The following LYPD8 variants were observed in gnomAD, a reference collection of about 807,000 sequenced individuals.
The protein encoded by LYPD8 is LY6/PLAUR domain containing 8.
Under a neutral mutation model 1.7 loss-of-function variants are expected in LYPD8, and 8 were observed. The ratio of observed to expected loss-of-function variants is 4.58; its 90% CI spans 2.69 to 8.27. The LOEUF is 8.27. Ranked by LOEUF, LYPD8 falls within the 30% of genes most tolerant of loss-of-function variation. The probability of loss-of-function intolerance (pLI) is 0.00; values close to 1 mark genes in which losing one functional copy is unlikely to be tolerated. For missense variants in LYPD8, 112 were observed against 102.3 expected, an observed-to-expected ratio of 1.09 and a Z score of -0.41; for synonymous variants, 50 against 43.6, an observed-to-expected ratio of 1.15 and a Z score of -0.58.
At chr1:248,753,207 A>AACACACACACCACACCAC (rs1662854126) in intron 2 of LYPD8, among the ~76,000 whole-genome samples, 6 of 93,720 alleles carry the variant, frequency 6.4e-5, no homozygotes, top group Non-Finnish European at 1.0e-4. Context: ...CACCCCACAC[A>AACACACACACCACACCAC]ACACACACAC....
intron 3 of LYPD8, 97 bp downstream of exon 3, chr1:248,750,932 TG>T (rs1662790422): frequency 2.5e-6 from 1 of 398,376 alleles, no homozygotes; most frequent in South Asian, 1.3e-4. Context: ...GACCATAATT[TG>T]ACATGTGAGG....
chr1:248,739,842 C>T lies in LYPD8; in HGVS notation c.483G>A (p.Glu161=). The part of the protein sequence containing the change: ...FLVAELKNDI[E]SKSLVLKGCS... ...AGCCTTTCAGCACGAGACTCTTAGA[C>T]TCAATGTCTGTGAATGCAAAGGAGA... Residue 161 remains glutamate, a synonymous_variant, in exon 7 of 7, where the codon GAG becomes GAA. Coordinates refer to ENST00000590317, the MANE Select transcript of LYPD8 (RefSeq NM_001085474.2). This position sits in a 1 kb window ranked among gnomAD's most constrained non-coding sequence, Gnocchi z 4.3. 6.4e-7 allele frequency: 1 copy of T among 1,551,740 alleles called. No individual in the cohort carries two copies.
In LYPD8 at chr1:248,739,443, AT is replaced by A. The variant is rs1553282985; in HGVS notation, c.*167del. On this transcript the variant is annotated 3_prime_UTR_variant, in exon 7 of 7. Transcript: ENST00000590317. This position sits in a 1 kb window ranked among gnomAD's most constrained non-coding sequence, Gnocchi z 4.3. ...GGGCAGTGAATGAACCAGTGCTTTA[AT>A]AATGAAGAACAAGGCAGCTGTCGGC... The A allele has an allele frequency of 1.1e-6, 1 of 898,428 alleles. No individual in the cohort carries two copies. Among genetic ancestry groups the A allele is most frequent in the African/African-American group, 1.7e-5 (1 of 59,352 alleles). The allele number at this position is 898,428 out of a possible 1,614,324, so 55.7% of individuals were successfully genotyped here.
Position 248,739,680 on chromosome 1 carries a change from G to C in LYPD8, c.645C>G (p.Asn215Lys), listed in dbSNP as rs782442637. ...TPTSAPTTSH[N>K]VGSKASLYLL... The stretch of plus-strand genomic sequence containing the variant: ...GGTAGAGGGAAGCTTTGGAGCCCAC[G>C]TTGTGGGAAGTGGTTGGTGCAGACG... Residue 215 changes from asparagine to lysine, a missense_variant, in exon 7 of 7, where the codon AAC (asparagine) becomes AAG (lysine). By Grantham distance (94) the Asn-to-Lys change is moderately conservative (BLOSUM62 0). Transcript: ENST00000590317. This position sits in a 1 kb window ranked among gnomAD's most constrained non-coding sequence, Gnocchi z 4.3. 6.4e-7 allele frequency: 1 copy of C among 1,551,748 alleles called. No homozygotes were observed.
At chr1:248,752,444 G>A (rs954463017) in intron 2 of LYPD8, among the ~76,000 whole-genome samples, 1 of 151,160 alleles carries the variant, frequency 6.6e-6, no homozygotes, top group African/African-American at 2.4e-5. Context: ...AAACACAATC[G>A]CCTTCATCTG....
chr1:248,746,048 C>T (rs1370254963), intron 5 of LYPD8, among the ~76,000 whole-genome samples: 4 of 152,100 alleles, frequency 2.6e-5, no homozygotes, highest in African/African-American at 9.7e-5. Flanking sequence ...AAAGAATTTC[C>T]AAAAGGTATA....
At chr1:248,744,158 C>T (rs1330892635) in intron 6 of LYPD8, among the ~76,000 whole-genome samples, 1 of 152,224 alleles carries the variant, frequency 6.6e-6, no homozygotes, top group Non-Finnish European at 1.5e-5. Context: ...ATGTCCCTCT[C>T]ACACAACCTG....
At position 248,745,167 on chromosome 1, in the gene LYPD8, G is replaced by T; in HGVS notation, c.450C>A (p.Val150=). 5 of 398,584 alleles carry T rather than the reference G, an allele frequency of 1.3e-5. No homozygotes were observed. The highest frequency in any genetic ancestry group is 2.2e-5 in the Non-Finnish European group (5 of 226,064). 24.7% of individuals were successfully genotyped at this position (398,584 alleles called of 1,614,324 possible). The change falls in exon 6 of 7, where the codon GTC becomes GTA. Residue 150 remains valine, a synonymous_variant. Coordinates refer to ENST00000590317, the MANE Select transcript of LYPD8 (RefSeq NM_001085474.2). Reference sequence around the variant, plus strand: ...CATTCTTAAGTTCTGCAACTAGAAAGACACACTGTTCTTCTTCATAGCATT... The same window carrying T: ...CATTCTTAAGTTCTGCAACTAGAAATACACACTGTTCTTCTTCATAGCATT... The part of the protein sequence containing the change: ...PWKCYEEEQC[V]FLVAELKNDI...
In LYPD8 at chr1:248,739,845, A is replaced by G; in HGVS notation, c.480T>C (p.Ile160=). Reference sequence around the variant, plus strand: ...CTTTCAGCACGAGACTCTTAGACTCAATGTCTGTGAATGCAAAGGAGACAG... The same window carrying G: ...CTTTCAGCACGAGACTCTTAGACTCGATGTCTGTGAATGCAAAGGAGACAG... ...VFLVAELKND[I]ESKSLVLKGC... Residue 160 remains isoleucine, a synonymous_variant, in exon 7 of 7, where the codon ATT becomes ATC. Coordinates refer to ENST00000590317, the MANE Select transcript of LYPD8 (RefSeq NM_001085474.2). The surrounding 1 kb of genome is among the most constrained non-coding windows in gnomAD (Gnocchi z 4.3). 1 of 1,551,710 alleles carries G rather than the reference A, an allele frequency of 6.4e-7. No homozygotes were observed. Among genetic ancestry groups the G allele is most frequent in the South Asian group, 1.2e-5 (1 of 84,068 alleles).
intron 5 of LYPD8, 98 bp downstream of exon 5, chr1:248,748,191 C>G: frequency 3.8e-6 from 1 of 262,108 alleles, no homozygotes. Context: ...ACGGCCAGCA[C>G]CCACCCAGGG....
chr1:248,749,922 T>TAA (rs1286587690), intron 4 of LYPD8, among the ~76,000 whole-genome samples: 1 of 145,884 alleles, frequency 6.9e-6, no homozygotes, highest in Non-Finnish European at 1.5e-5. Context: ...AATACTGTAG[T>TAA]AAAAAAAAAA....
In LYPD8 at chr1:248,750,625, T is replaced by G. The variant is rs995252165; in HGVS notation, c.71A>C (p.Gln24Pro). 0.055 allele frequency: 21,775 copies of G among 398,550 alleles called. 763 individuals carry two copies. The highest frequency in any genetic ancestry group is 0.069 in the Non-Finnish European group (15,534 of 226,076). 24.7% of individuals were successfully genotyped at this position (398,550 alleles called of 1,614,324 possible). A position where few individuals can be genotyped will look rare whatever the true frequency, so the allele number is the denominator to read the frequency against. ...ACAGGATTTTTCCCATGAATTACAC[T>G]GCACGCAGCTCAGAGATTCTGAGGA... ...VAAVESLSCV[Q>P]CNSWEKSCVN... Residue 24 changes from glutamine to proline, a missense_variant, in exon 4 of 7, where the codon CAG becomes CCG. Coordinates refer to ENST00000590317, the MANE Select transcript of LYPD8 (RefSeq NM_001085474.2).
At chr1:248,752,744 C>A (rs1662826279) in intron 2 of LYPD8, among the ~76,000 whole-genome samples, 1 of 117,386 alleles carries the variant, frequency 8.5e-6, no homozygotes, top group African/African-American at 3.2e-5. Flanking sequence ...TCACACACAC[C>A]ACACACCCCA....
intron 2 of LYPD8, among the ~76,000 whole-genome samples, chr1:248,755,017 C>A (rs918053719): frequency 0.14 from 21,162 of 152,066 alleles, 2,356 homozygotes; most frequent in African/African-American, 0.29. Flanking sequence ...CCCCAGCAGC[C>A]CATCAAGTGC....
Position 248,753,624 on chromosome 1 carries a change from A to C in LYPD8, c.-50+1615T>G, listed in dbSNP as rs1662872780. Among the ~76,000 whole-genome samples, 221 of 117,346 alleles carry C rather than the reference A, an allele frequency of 1.9e-3. 18 individuals are homozygous for C. The highest frequency in any genetic ancestry group is 5.7e-3 in the East Asian group (16 of 2,808). The allele number at this position is 117,346 out of a possible 152,430, so 77.0% of individuals were successfully genotyped here. On this transcript the variant is annotated intron_variant, in intron 2 of 6. Coordinates refer to ENST00000590317, the MANE Select transcript of LYPD8 (RefSeq NM_001085474.2). ...ACACACACCACACACCCCACACAAC[A>C]CACACAACACACCACACATATACAT...
chr1:248,753,420 CA>C (rs1160453130), intron 2 of LYPD8, among the ~76,000 whole-genome samples: 8,357 of 118,842 alleles, frequency 0.07, 443 homozygotes, highest in East Asian at 0.18. Context: ...CACCACACAC[CA>C]CACACAACAC....
intron 6 of LYPD8, among the ~76,000 whole-genome samples, chr1:248,741,238 G>A (rs1286948437): frequency 6.6e-6 from 1 of 152,186 alleles, no homozygotes; most frequent in African/African-American, 2.4e-5. Flanking sequence ...ATGGAGTCTC[G>A]CTCTGTCATC....
intron 6 of LYPD8, among the ~76,000 whole-genome samples, chr1:248,744,344 G>A (rs1383285223): frequency 2.6e-5 from 4 of 152,240 alleles, no homozygotes; most frequent in Admixed American, 2.6e-4. Flanking sequence ...AGGGCTGGGA[G>A]GACACAAGAA....
chr1:248,753,767 T>TCA (rs1222289430), intron 2 of LYPD8, among the ~76,000 whole-genome samples: 7 of 115,078 alleles, frequency 6.1e-5, no homozygotes, highest in African/African-American at 2.1e-4. Flanking sequence ...ACACACCACA[T>TCA]CACACACACA....
Sources: gnomAD v4.1 joint callset for allele counts (sites outside exome capture counted in the v4.1 genomes callset) on GRCh38, gnomAD v4.1.1 for gene constraint, Gnocchi (gnomAD v3.1) non-coding constraint, MANE v1.5 for transcripts, NCBI Gene and HGNC (gene_info 2026-07-23, HGNC 2026-07-21) for gene names.